CRACDL: variants seen among roughly 807,000 people sequenced by gnomAD.
The protein encoded by CRACDL is CRACD-like protein.
Under a neutral mutation model 70.6 loss-of-function variants are expected in CRACDL, and 26 were observed. That is an observed-to-expected ratio of 0.37 (90% CI 0.27 to 0.51). The LOEUF (loss-of-function observed/expected upper bound fraction) is 0.51, where lower values mean the gene tolerates loss of function less well. Among genes scored for constraint, CRACDL ranks in the 20% least tolerant of loss-of-function variants. The probability of loss-of-function intolerance (pLI) is 0.94; values close to 1 mark genes in which losing one functional copy is unlikely to be tolerated. For missense variants in CRACDL, 1,283 were observed against 1,376.9 expected, an observed-to-expected ratio of 0.93 and a Z score of 1.08; for synonymous variants, 618 against 615.2, an observed-to-expected ratio of 1.00 and a Z score of -0.07.
At chr2:98,903,709 A>G (rs1211430595) in intron 1 of CRACDL, among the ~76,000 whole-genome samples, 1 of 152,224 alleles carries the variant, frequency 6.6e-6, no homozygotes, top group Non-Finnish European at 1.5e-5. Flanking sequence ...CTGAAAATGC[A>G]CTAGATATTC....
chr2:98,907,403 C>A (rs1445040374), intron 1 of CRACDL, among the ~76,000 whole-genome samples: 16 of 152,196 alleles, frequency 1.1e-4, no homozygotes, highest in Admixed American at 9.8e-4. Flanking sequence ...AATGTCCTGG[C>A]CAGTAGTTGT....
At chr2:98,896,113 C>G (rs1267532755) in intron 1 of CRACDL, among the ~76,000 whole-genome samples, 1 of 152,124 alleles carries the variant, frequency 6.6e-6, no homozygotes, top group Non-Finnish European at 1.5e-5. Context: ...GGCAGGAGGG[C>G]TGGCTGGTGG....
At chr2:98,819,036 A>G (rs1193775464) in intron 7 of CRACDL, among the ~76,000 whole-genome samples, 5 of 152,260 alleles carry the variant, frequency 3.3e-5, no homozygotes, top group African/African-American at 9.6e-5. Context: ...TGACATTTCT[A>G]TGGCTTTAGT....
At chr2:98,850,722 G>T (rs1176733169) in intron 1 of CRACDL, among the ~76,000 whole-genome samples, 1 of 152,156 alleles carries the variant, frequency 6.6e-6, no homozygotes, top group Non-Finnish European at 1.5e-5. Context: ...GCCCTGCTGC[G>T]GGGCACAGCA....
intron 1 of CRACDL, chr2:98,869,047 C>T (rs1168132188): frequency 7.8e-7 from 1 of 1,287,270 alleles, no homozygotes; most frequent in Non-Finnish European, 1.0e-6. Context: ...GCGACTCTCC[C>T]CCACCACCTC....
chr2:98,873,577 G>A (rs940253899), intron 1 of CRACDL, among the ~76,000 whole-genome samples: 73 of 152,342 alleles, frequency 4.8e-4, no homozygotes, highest in South Asian at 2.1e-4. Context: ...GGAAATAGGC[G>A]AGAGGATCCC....
chr2:98,831,091 G>A (rs931003592), intron 5 of CRACDL, among the ~76,000 whole-genome samples: 1 of 152,162 alleles, frequency 6.6e-6, no homozygotes, highest in East Asian at 1.9e-4. Context: ...CTATGAAATA[G>A]GCCACCCCAT....
intron 1 of CRACDL, among the ~76,000 whole-genome samples, chr2:98,889,759 G>A (rs186991609): frequency 6.6e-6 from 1 of 152,240 alleles, no homozygotes; most frequent in East Asian, 1.9e-4. Context: ...CCATCTCTCA[G>A]GTCATAAAAT....
rs187572295 is a variant in CRACDL, at chr2:98,896,819, G to A, written c.-11+39119C>T. On this transcript the variant is annotated intron_variant, in intron 1 of 9. Transcript: ENST00000397899. ...ATGGTTTTTAGTTTCTGTCTCTAGC[G>A]ATAAGTGGAAAAGAGGGATGAGGAA... is the stretch of plus-strand genomic sequence containing the variant. Among the ~76,000 whole-genome samples, 9 of 152,220 alleles carry A rather than the reference G, an allele frequency of 5.9e-5. No homozygotes were observed. The South Asian group carries it at 8.3e-4, about 14-fold the overall frequency.
chr2:98,905,579 G>A (rs1020668523), intron 1 of CRACDL, among the ~76,000 whole-genome samples: 8 of 151,006 alleles, frequency 5.3e-5, no homozygotes, highest in Non-Finnish European at 1.0e-4. Context: ...TTTGGGAAGC[G>A]TTACTCCCTC....
chr2:98,864,735 C>T (rs773962995), intron 1 of CRACDL, among the ~76,000 whole-genome samples: 2 of 152,154 alleles, frequency 1.3e-5, no homozygotes, highest in Middle Eastern at 3.4e-3. Context: ...TTAGTAGAGA[C>T]GGGGTTTCAC....
chr2:98,801,754 A>T (rs910999190), intron 7 of CRACDL, among the ~76,000 whole-genome samples: 1 of 152,168 alleles, frequency 6.6e-6, no homozygotes, highest in Non-Finnish European at 1.5e-5. Flanking sequence ...ATCAGGTGAA[A>T]TATCCACTGT....
intron 1 of CRACDL, among the ~76,000 whole-genome samples, chr2:98,934,005 C>T (rs546793598): frequency 3.3e-5 from 5 of 152,140 alleles, no homozygotes; most frequent in South Asian, 4.1e-4. Context: ...GAGCTCCTTG[C>T]GCTTCTTTTA....
intron 1 of CRACDL, among the ~76,000 whole-genome samples, chr2:98,931,288 G>A (rs1181504852): frequency 2.1e-5 from 3 of 140,426 alleles, no homozygotes; most frequent in African/African-American, 8.1e-5. Flanking sequence ...TCGCGCCACT[G>A]CACTCCAGCC....
chr2:98,834,080 C>T (rs1330929744), intron 3 of CRACDL, among the ~76,000 whole-genome samples: 1 of 152,198 alleles, frequency 6.6e-6, no homozygotes, highest in Non-Finnish European at 1.5e-5. Context: ...GAATCAGGAC[C>T]TCCCTGCCAA....
At chr2:98,826,919 A>T in intron 6 of CRACDL, 56 bp downstream of exon 6, 5 of 1,175,020 alleles carry the variant, frequency 4.3e-6, no homozygotes, top group Non-Finnish European at 5.6e-6. Flanking sequence ...GGGGGGGCAT[A>T]GGGGGGTGCC....
At chr2:98,884,010 G>C (rs17022040) in intron 1 of CRACDL, among the ~76,000 whole-genome samples, 4,833 of 152,296 alleles carry the variant, frequency 0.032, 255 homozygotes, top group African/African-American at 0.11. Context: ...CCGCCCACAG[G>C]AGCTGATCGG....
At chr2:98,847,343 GCTAC>G (rs1706304625) in intron 1 of CRACDL, among the ~76,000 whole-genome samples, 1 of 151,846 alleles carries the variant, frequency 6.6e-6, no homozygotes, top group South Asian at 2.1e-4. Flanking sequence ...TATTTTAATG[GCTAC>G]CTAATATTTT....
At chr2:98,881,274 G>A (rs1258290870) in intron 1 of CRACDL, among the ~76,000 whole-genome samples, 5 of 152,162 alleles carry the variant, frequency 3.3e-5, no homozygotes, top group Admixed American at 6.5e-5. Flanking sequence ...GCAGCCTGGG[G>A]CCCAGCGGCC....
Sources: allele counts gnomAD v4.1 joint callset (sites outside exome capture counted in the v4.1 genomes callset), GRCh38; gene constraint gnomAD v4.1.1; transcripts MANE v1.5; gene names NCBI Gene and HGNC (gene_info 2026-07-23, HGNC 2026-07-21).